GPC6: variants seen among roughly 807,000 people sequenced by gnomAD.
GPC6 encodes glypican 6, also known as glypican-6.
In GPC6, 14 loss-of-function variants were observed where a neutral mutation model predicts 55.2. The ratio of observed to expected loss-of-function variants is 0.25; its 90% confidence interval spans 0.17 to 0.40. The LOEUF is 0.40. GPC6 is among the 10% of genes least tolerant of loss of function. GPC6 has a pLI of 1.00. For missense variants in GPC6, 641 were observed against 708.5 expected (o/e 0.90, Z 1.08); for synonymous variants, 278 against 259.6 (o/e 1.07, Z -0.68).
At chr13:94,310,155 A>G (rs1390323977) in intron 6 of GPC6, among the ~76,000 whole-genome samples, 1 of 152,234 alleles carries the variant, frequency 6.6e-6, no homozygotes, top group Non-Finnish European at 1.5e-5. Flanking sequence ...AGAGCACAAC[A>G]TGTTCTACAG....
At chr13:93,664,271 G>A (rs1473809117) in intron 2 of GPC6, among the ~76,000 whole-genome samples, 1 of 152,080 alleles carries the variant, frequency 6.6e-6, no homozygotes, top group Non-Finnish European at 1.5e-5. Flanking sequence ...CATGTAAACT[G>A]CATTTTTAAT....
chr13:93,276,441 A>C (rs1166141000), intron 1 of GPC6, among the ~76,000 whole-genome samples: 1 of 150,478 alleles, frequency 6.6e-6, no homozygotes, highest in Non-Finnish European at 1.5e-5. Flanking sequence ...AAGAAATGGC[A>C]GAAGCTCTGG....
chr13:93,565,589 T>C (rs990406149), intron 2 of GPC6, among the ~76,000 whole-genome samples: 1 of 152,136 alleles, frequency 6.6e-6, no homozygotes, highest in Non-Finnish European at 1.5e-5. Context: ...TCTTTTTATC[T>C]AAGGACCCTC....
At chr13:93,405,683 G>T (rs140306486) in intron 1 of GPC6, among the ~76,000 whole-genome samples, 1,659 of 151,502 alleles carry the variant, frequency 0.011, 18 homozygotes, top group South Asian at 0.018. Flanking sequence ...ACTGATGTTT[G>T]TCAGACTTAA....
intron 2 of GPC6, among the ~76,000 whole-genome samples, chr13:93,742,946 C>A (rs1006294992): frequency 3.3e-5 from 5 of 152,050 alleles, no homozygotes; most frequent in African/African-American, 1.2e-4. Context: ...GTGGGTAGAT[C>A]TACACGGAGG....
intron 6 of GPC6, among the ~76,000 whole-genome samples, chr13:94,364,660 T>C (rs1200785365): frequency 3.3e-5 from 5 of 152,148 alleles, no homozygotes; most frequent in Admixed American, 2.0e-4. Context: ...GGGTGGTTAA[T>C]TGAAGGCAGG....
intron 4 of GPC6, among the ~76,000 whole-genome samples, chr13:94,235,659 AT>A (rs1201391133): frequency 1.3e-5 from 2 of 152,168 alleles, no homozygotes; most frequent in Admixed American, 1.3e-4. Context: ...AAAAACTTAA[AT>A]TTACATATTC....
At chr13:93,683,896 G>A (rs1220862584) in intron 2 of GPC6, among the ~76,000 whole-genome samples, 1 of 152,050 alleles carries the variant, frequency 6.6e-6, no homozygotes, top group African/African-American at 2.4e-5. Flanking sequence ...AGCATGGTTG[G>A]GTTCTGGTGA....
chr13:93,481,157 G>A (rs1402679556), intron 1 of GPC6, among the ~76,000 whole-genome samples: 1 of 152,106 alleles, frequency 6.6e-6, no homozygotes, highest in South Asian at 2.1e-4. Context: ...GTATCTCATT[G>A]TGGTTTTGGT....
intron 1 of GPC6, among the ~76,000 whole-genome samples, chr13:93,441,634 G>T (rs1278582304): frequency 6.6e-6 from 1 of 152,138 alleles, no homozygotes; most frequent in African/African-American, 2.4e-5. Context: ...TTTCTCCCAT[G>T]TTGTAGGTTG....
chr13:93,429,087 C>T (rs1364946690), intron 1 of GPC6, among the ~76,000 whole-genome samples: 7 of 152,068 alleles, frequency 4.6e-5, no homozygotes, highest in Non-Finnish European at 1.0e-4. Flanking sequence ...ATTGCATTCT[C>T]AGGTATTGAC....
intron 1 of GPC6, among the ~76,000 whole-genome samples, chr13:93,316,934 T>C (rs1879266421): frequency 6.6e-6 from 1 of 152,142 alleles, no homozygotes; most frequent in Admixed American, 6.6e-5. Context: ...GTGCTTAAGC[T>C]GTCATTATCT....
intron 1 of GPC6, among the ~76,000 whole-genome samples, chr13:93,305,234 C>A (rs1878816985): frequency 6.6e-6 from 1 of 152,088 alleles, no homozygotes; most frequent in Non-Finnish European, 1.5e-5. Flanking sequence ...GGGGTTGAAC[C>A]CAGGCAGTCG....
chr13:94,168,911 C>A (rs972119317), intron 4 of GPC6, among the ~76,000 whole-genome samples: 1 of 151,944 alleles, frequency 6.6e-6, no homozygotes, highest in African/African-American at 2.4e-5. Flanking sequence ...TTATGTGTCT[C>A]CATATGGTAA....
intron 3 of GPC6, among the ~76,000 whole-genome samples, chr13:93,876,179 T>TTGCTTCATATAATAAA (rs72259362): frequency 2.0e-5 from 3 of 151,448 alleles, no homozygotes; most frequent in South Asian, 4.2e-4. Flanking sequence ...TTTTTGTGCA[T>TTGCTTCATATAATAAA]TGCTTCATAT....
At chr13:94,110,765 G>A (rs1886218093) in intron 4 of GPC6, among the ~76,000 whole-genome samples, 1 of 152,106 alleles carries the variant, frequency 6.6e-6, no homozygotes, top group Non-Finnish European at 1.5e-5. Flanking sequence ...ATGTGTAGAA[G>A]TGAAAATACT....
chr13:93,490,819 T>A (rs1879970422), intron 1 of GPC6, among the ~76,000 whole-genome samples: 1 of 107,662 alleles, frequency 9.3e-6, no homozygotes, highest in African/African-American at 3.5e-5. Flanking sequence ...GGTTTCCAAT[T>A]TCATCCATGT....
At position 93,418,508 on chromosome 13, in the gene GPC6, G is replaced by A. The variant is rs182669311; in HGVS notation, c.161-126755G>A. Among the ~76,000 whole-genome samples the A allele has an allele frequency of 2.5e-3, 371 of 150,990 alleles. 1 individual carries two copies. The highest frequency in any genetic ancestry group is 8.3e-3 in the African/African-American group (341 of 41,182). Reference sequence around the variant, plus strand: ...ATGCTGTAGTGTTATTTTATTAATAGCACTATACCATAGTATTATTTTATT... The same window carrying A: ...ATGCTGTAGTGTTATTTTATTAATAACACTATACCATAGTATTATTTTATT... On this transcript the variant is annotated intron_variant, in intron 1 of 8. Coordinates refer to ENST00000377047, the MANE Select transcript of GPC6 (RefSeq NM_005708.5).
intron 2 of GPC6, among the ~76,000 whole-genome samples, chr13:93,706,101 T>G: frequency 6.6e-6 from 1 of 151,926 alleles, no homozygotes; most frequent in Admixed American, 6.6e-5. Context: ...CTACAAGGAT[T>G]TTGCACATGG....
Sources: allele counts gnomAD v4.1 joint callset (sites outside exome capture counted in the v4.1 genomes callset), GRCh38; gene constraint gnomAD v4.1.1; transcripts MANE v1.5; gene names NCBI Gene and HGNC (gene_info 2026-07-23, HGNC 2026-07-21).